LRCH3: variants seen among roughly 807,000 people sequenced by gnomAD.
LRCH3 encodes leucine rich repeats and calponin homology domain containing 3, also known as DISP complex protein LRCH3.
LRCH3 carries 68 observed loss-of-function variants against 104.5 expected under a neutral mutation model. The ratio of observed to expected loss-of-function variants is 0.65; its 90% CI spans 0.54 to 0.80. The LOEUF is 0.80. LRCH3 is among the 30% of genes least tolerant of loss of function. The pLI, the probability that LRCH3 is intolerant of heterozygous loss-of-function variation, is 0.00. For missense variants in LRCH3, 951 were observed against 953.9 expected (o/e 1.00, Z 0.04); for synonymous variants, 344 against 361.3 (o/e 0.95, Z 0.54).
Position 197,832,220 on chromosome 3 carries a change from G to C in LRCH3, c.1005G>C (p.Leu335=), listed in dbSNP as rs1458212216. The C allele has an allele frequency of 6.2e-7, 1 of 1,612,688 alleles. No individual in the cohort carries two copies. The highest frequency in any genetic ancestry group is 8.5e-7 in the Non-Finnish European group (1 of 1,179,058). The stretch of plus-strand genomic sequence containing the variant: ...AGCCTACAGATGAATTTTCAGATCT[G>C]CCTCTTCGAGTAGCAGAGATTACTA... The part of the protein sequence containing the change: ...GNEPTDEFSD[L]PLRVAEITKE... Residue 335 remains leucine, a synonymous_variant, in exon 8 of 21, where the codon CTG becomes CTC. Transcript: ENST00000425562.
chr3:197,863,710 G>C (rs1741141086), intron 15 of LRCH3, among the ~76,000 whole-genome samples: 1 of 152,066 alleles, frequency 6.6e-6, no homozygotes, highest in African/African-American at 2.4e-5. Context: ...CCTTTTTACA[G>C]TTCTTTTGGT....
At chr3:197,814,803 T>C (rs1402227377) in intron 1 of LRCH3, 105 bp from the exon 2 acceptor site, 1 of 971,004 alleles carries the variant, frequency 1.0e-6, no homozygotes, top group Admixed American at 3.4e-5. Flanking sequence ...TGTTTTACTT[T>C]TAAAGAATAA....
rs529127586 is a variant in LRCH3, at chr3:197,827,009, G to T, written c.772G>T (p.Ala258Ser). The change falls in exon 5 of 21, where the codon GCA becomes TCA. Residue 258 changes from alanine to serine, a missense_variant. Coordinates refer to ENST00000425562, the MANE Select transcript of LRCH3 (RefSeq NM_001365715.1). The stretch of plus-strand genomic sequence containing the variant: ...TAACAATCCACTACAATCACCTCCT[G>T]CACAGGTAAACCATAGTGGAAGCAT... ...LDNNPLQSPP[A>S]QICIKGKVHI... The T allele has an allele frequency of 6.8e-5, 109 of 1,613,748 alleles. No homozygotes were observed. In the South Asian group the frequency reaches 1.2e-3, roughly 17 times the overall value.
In LRCH3 at chr3:197,791,529, C is replaced by A. The variant is rs1353249196; in HGVS notation, c.251C>A (p.Thr84Asn). 1.9e-6 allele frequency: 3 copies of A among 1,587,332 alleles called. No homozygotes were observed. Among genetic ancestry groups the A allele is most frequent in the Non-Finnish European group, 2.6e-6 (3 of 1,170,184 alleles). ...RGAANHDLTD[T>N]TRADLSRNRL... is the part of the protein sequence containing the mutation. ...GCGGCCAACCACGACCTGACGGACA[C>A]CACCCGGGCGGGTGAGCGGGGCGGG... is the stretch of plus-strand genomic sequence containing the variant. The change falls in exon 1 of 21, where the codon ACC (threonine) becomes AAC (asparagine). Residue 84 changes from threonine to asparagine, a missense_variant. Physicochemically the swap from Thr to Asn is moderately conservative, Grantham distance 65 (BLOSUM62 0). Coordinates refer to ENST00000425562, the MANE Select transcript of LRCH3 (RefSeq NM_001365715.1).
chr3:197,818,998 C>T (rs951207931), intron 3 of LRCH3, among the ~76,000 whole-genome samples: 5 of 151,926 alleles, frequency 3.3e-5, no homozygotes, highest in Non-Finnish European at 7.4e-5. Context: ...TGGTGGCACG[C>T]ACCTGTTATC....
intron 4 of LRCH3, among the ~76,000 whole-genome samples, 166 bp downstream of exon 4, chr3:197,820,596 A>G (rs998868624): frequency 1.3e-5 from 2 of 152,186 alleles, no homozygotes; most frequent in African/African-American, 4.8e-5. Flanking sequence ...GGATTGCTTG[A>G]ACCCAGGAAT....
At chr3:197,825,360 C>T (rs58149554) in intron 4 of LRCH3, among the ~76,000 whole-genome samples, 5 of 119,334 alleles carry the variant, frequency 4.2e-5, no homozygotes, top group Non-Finnish European at 7.0e-5. Flanking sequence ...TGTTTTATAT[C>T]TTTTTTTTTT....
intron 12 of LRCH3, among the ~76,000 whole-genome samples, chr3:197,849,336 A>T (rs1389228539): frequency 1.3e-5 from 2 of 150,610 alleles, no homozygotes; most frequent in Non-Finnish European, 3.0e-5. Flanking sequence ...TAAAATTAAT[A>T]TTCCTACAAG....
chr3:197,791,671 G>A (rs1730530935), intron 1 of LRCH3, 131 bp downstream of exon 1: 1 of 1,085,562 alleles, frequency 9.2e-7, no homozygotes, highest in Non-Finnish European at 1.2e-6. Context: ...CGGGTAACGG[G>A]GAGAAGCCGA....
At chr3:197,826,352 T>C (rs1020446420) in intron 4 of LRCH3, among the ~76,000 whole-genome samples, 2 of 152,204 alleles carry the variant, frequency 1.3e-5, no homozygotes, top group African/African-American at 2.4e-5. Flanking sequence ...GTCTTAATGT[T>C]AAGTGTGTAG....
Position 197,871,366 on chromosome 3 carries a change from C to G in LRCH3, c.2034C>G (p.Leu678=), listed in dbSNP as rs780948295. The G allele has an allele frequency of 6.2e-7, 1 of 1,614,032 alleles. No individual in the cohort carries two copies. Among genetic ancestry groups the G allele is most frequent in the Non-Finnish European group, 8.5e-7 (1 of 1,179,940 alleles). Residue 678 remains leucine, a synonymous_variant, in exon 19 of 21, where the codon CTC becomes CTG. Coordinates refer to ENST00000425562, the MANE Select transcript of LRCH3 (RefSeq NM_001365715.1). ...YRLKVSLPCD[L]GAALTDGVVL... ...TGAAAGTGTCTCTACCTTGTGATCT[C>G]GGAGCAGCTCTAACTGACGGTGTTG... is the stretch of plus-strand genomic sequence containing the variant.
chr3:197,817,131 C>T, intron 2 of LRCH3, 45 bp from the exon 3 acceptor site: 2 of 1,535,468 alleles, frequency 1.3e-6, no homozygotes, highest in Non-Finnish European at 1.8e-6. Flanking sequence ...AATTTTTCTT[C>T]AGTGGTGGAC....
At chr3:197,865,280 A>C (rs2109489160) in intron 15 of LRCH3, 143 bp from the exon 16 acceptor site, 1 of 543,700 alleles carries the variant, frequency 1.8e-6, no homozygotes, top group East Asian at 3.6e-5. Flanking sequence ...GAGCCACTGC[A>C]CCTGACCCAA....
chr3:197,874,843 T>A (rs1264969752), intron 19 of LRCH3, among the ~76,000 whole-genome samples: 1 of 152,216 alleles, frequency 6.6e-6, no homozygotes, highest in Non-Finnish European at 1.5e-5. Context: ...CAAGTTTCAC[T>A]GGAACCCAGT....
At chr3:197,819,677 T>C (rs1042288835) in intron 3 of LRCH3, among the ~76,000 whole-genome samples, 1 of 151,782 alleles carries the variant, frequency 6.6e-6, no homozygotes, top group African/African-American at 2.4e-5. Context: ...GATCGTGCTA[T>C]TGCACTCCAG....
At chr3:197,860,051 T>C (rs1740698142) in intron 15 of LRCH3, among the ~76,000 whole-genome samples, 1 of 152,194 alleles carries the variant, frequency 6.6e-6, no homozygotes, top group African/African-American at 2.4e-5. Flanking sequence ...TCAAATATTT[T>C]AGTTATACCT....
intron 1 of LRCH3, among the ~76,000 whole-genome samples, chr3:197,808,026 G>A (rs924118408): frequency 6.6e-6 from 1 of 152,148 alleles, no homozygotes; most frequent in Non-Finnish European, 1.5e-5. Flanking sequence ...TTTGCTTAGT[G>A]TTATGTACTG....
chr3:197,796,855 C>T (rs1731260499), intron 1 of LRCH3, among the ~76,000 whole-genome samples: 2 of 152,024 alleles, frequency 1.3e-5, no homozygotes, highest in African/African-American at 2.4e-5. Flanking sequence ...TTGGTTTGCC[C>T]AATATCTTTG....
At chr3:197,797,044 T>A (rs1436914811) in intron 1 of LRCH3, among the ~76,000 whole-genome samples, 1 of 149,884 alleles carries the variant, frequency 6.7e-6, no homozygotes, top group Non-Finnish European at 1.5e-5. Flanking sequence ...TACAAAAAAA[T>A]TTGCTGGGCA....
Sources: gnomAD v4.1 joint callset for allele counts (sites outside exome capture counted in the v4.1 genomes callset) on GRCh38, gnomAD v4.1.1 for gene constraint, MANE v1.5 for transcripts, NCBI Gene and HGNC (gene_info 2026-07-23, HGNC 2026-07-21) for gene names.